SORCS2: variants seen among roughly 807,000 people sequenced by gnomAD.
The protein encoded by SORCS2 is sortilin related VPS10 domain containing receptor 2.
SORCS2 carries 100 observed loss-of-function variants against 141.6 expected under a neutral mutation model. The observed-to-expected ratio is 0.71, with a 90% confidence interval of 0.60 to 0.83. The LOEUF (loss-of-function observed/expected upper bound fraction) is 0.83. Ranked by LOEUF, SORCS2 falls within the 40% of genes least tolerant of loss-of-function variation. The probability of loss-of-function intolerance (pLI) is 0.00; values close to 1 mark genes in which losing one functional copy is unlikely to be tolerated. For missense variants in SORCS2, 1,646 were observed against 1,560.2 expected (o/e 1.05, Z -0.93); for synonymous variants, 789 against 676.9 (o/e 1.17, Z -2.57).
At chr4:7,598,525 A>G (rs900945648) in intron 3 of SORCS2, among the ~76,000 whole-genome samples, 5 of 152,014 alleles carry the variant, frequency 3.3e-5, no homozygotes, top group Admixed American at 1.3e-4. Flanking sequence ...AACTCCTCCT[A>G]TGGGTGGATG....
chr4:7,273,184 A>C (rs1715256384), intron 1 of SORCS2, among the ~76,000 whole-genome samples: 1 of 152,242 alleles, frequency 6.6e-6, no homozygotes, highest in Non-Finnish European at 1.5e-5. Context: ...TTACAAAGAC[A>C]CAAAACAGAC....
chr4:7,667,799 T>G (rs1299041563), intron 8 of SORCS2, among the ~76,000 whole-genome samples: 1 of 152,230 alleles, frequency 6.6e-6, no homozygotes, highest in Non-Finnish European at 1.5e-5. Context: ...ACTCTGCCCC[T>G]GCCCCTGCCT....
chr4:7,601,671 G>GTTTGTTTGTTT (rs368714594), intron 3 of SORCS2, among the ~76,000 whole-genome samples: 9,248 of 129,616 alleles, frequency 0.071, 440 homozygotes, highest in African/African-American at 0.12. Context: ...TTGTTTGTTT[G>GTTTGTTTGTTT]TTTGTTTTTT....
intron 3 of SORCS2, among the ~76,000 whole-genome samples, chr4:7,636,924 T>C (rs1334404738): frequency 1.3e-5 from 2 of 152,094 alleles, no homozygotes; most frequent in Non-Finnish European, 2.9e-5. Context: ...AGAGGGACCC[T>C]TCGTTCTGTG....
intron 1 of SORCS2, among the ~76,000 whole-genome samples, chr4:7,345,313 C>T (rs1202357162): frequency 6.6e-6 from 1 of 152,152 alleles, no homozygotes; most frequent in East Asian, 1.9e-4. Flanking sequence ...ATAGAAAGTG[C>T]ACATTGGGTG....
intron 2 of SORCS2, among the ~76,000 whole-genome samples, chr4:7,408,488 A>T (rs1725116524): frequency 6.6e-6 from 1 of 151,378 alleles, no homozygotes; most frequent in Middle Eastern, 3.2e-3. Flanking sequence ...AAGCTCCTGT[A>T]TGGGTTATTT....
At chr4:7,269,509 G>A (rs1036309278) in intron 1 of SORCS2, among the ~76,000 whole-genome samples, 1 of 152,222 alleles carries the variant, frequency 6.6e-6, no homozygotes, top group Non-Finnish European at 1.5e-5. Context: ...CCTGGACTTA[G>A]GGTGGGCCCT....
chr4:7,291,168 G>A (rs1407624058), intron 1 of SORCS2, among the ~76,000 whole-genome samples: 1 of 152,168 alleles, frequency 6.6e-6, no homozygotes, highest in Non-Finnish European at 1.5e-5. Context: ...GAATAGAGGT[G>A]AGAGAAGGGG....
intron 2 of SORCS2, among the ~76,000 whole-genome samples, chr4:7,514,287 G>T (rs1577681814): frequency 1.3e-5 from 2 of 152,116 alleles, no homozygotes; most frequent in East Asian, 3.9e-4. Context: ...CCTTGGGTGG[G>T]CCTGGCTCAC....
intron 1 of SORCS2, among the ~76,000 whole-genome samples, chr4:7,326,609 C>T (rs906657988): frequency 4.6e-5 from 7 of 152,054 alleles, no homozygotes; most frequent in East Asian, 1.9e-4. Flanking sequence ...GCCAAGCACC[C>T]AAGGGGTGTG....
intron 3 of SORCS2, among the ~76,000 whole-genome samples, chr4:7,569,514 G>C (rs1239217041): frequency 1.3e-5 from 2 of 151,956 alleles, no homozygotes; most frequent in Non-Finnish European, 2.9e-5. Context: ...AGACTCCGTC[G>C]CAAAAAAGAA....
At chr4:7,461,777 C>T (rs1729327771) in intron 2 of SORCS2, among the ~76,000 whole-genome samples, 1 of 152,098 alleles carries the variant, frequency 6.6e-6, no homozygotes. Context: ...TCTTAGCTCC[C>T]CAACCCCTGC....
chr4:7,650,495 C>T (rs143319001), intron 4 of SORCS2, among the ~76,000 whole-genome samples: 2 of 152,340 alleles, frequency 1.3e-5, no homozygotes, highest in African/African-American at 2.4e-5. Context: ...CGTTGGAGCG[C>T]ACGCAAGGTC....
At chr4:7,262,531 G>A (rs1714431379) in intron 1 of SORCS2, among the ~76,000 whole-genome samples, 1 of 152,198 alleles carries the variant, frequency 6.6e-6, no homozygotes, top group Admixed American at 6.5e-5. Flanking sequence ...GTAGTGTGGA[G>A]GACACCAGAT....
intron 8 of SORCS2, among the ~76,000 whole-genome samples, chr4:7,675,777 G>T (rs554501389): frequency 2.6e-5 from 4 of 152,278 alleles, no homozygotes; most frequent in African/African-American, 9.6e-5. Context: ...AGGAGGAGGA[G>T]GTGTCCCCAG....
chr4:7,615,128 A>G (rs188934494), intron 3 of SORCS2, among the ~76,000 whole-genome samples: 1 of 152,266 alleles, frequency 6.6e-6, no homozygotes, highest in Admixed American at 6.5e-5. Flanking sequence ...CCATCTGTTC[A>G]TCCATCTGCC....
At chr4:7,529,917 G>A (rs577223274) in intron 2 of SORCS2, among the ~76,000 whole-genome samples, 7 of 152,320 alleles carry the variant, frequency 4.6e-5, no homozygotes, top group African/African-American at 1.7e-4. Flanking sequence ...GAGGCCCCCC[G>A]CCATCCTGGG....
At chr4:7,469,073 T>C (rs558646551) in intron 2 of SORCS2, among the ~76,000 whole-genome samples, 1 of 152,078 alleles carries the variant, frequency 6.6e-6, no homozygotes, top group African/African-American at 2.4e-5. Flanking sequence ...AGTTAAGACA[T>C]GATGGTGATT....
intron 1 of SORCS2, among the ~76,000 whole-genome samples, chr4:7,212,065 G>C (rs56743615): frequency 0.016 from 2,446 of 152,306 alleles, 56 homozygotes; most frequent in African/African-American, 0.054. Flanking sequence ...TTGATACAGA[G>C]GATGGGGAGA....
Sources: allele counts gnomAD v4.1 joint callset (sites outside exome capture counted in the v4.1 genomes callset), GRCh38; gene constraint gnomAD v4.1.1; transcripts MANE v1.5; gene names NCBI Gene and HGNC (gene_info 2026-07-23, HGNC 2026-07-21).